The following CRPPA variants were observed in gnomAD, a reference collection of about 807,000 sequenced individuals.
The protein encoded by CRPPA is CDP-L-ribitol pyrophosphorylase A, also known as D-ribitol-5-phosphate cytidylyltransferase.
A neutral mutation model predicts 52.0 loss-of-function variants in CRPPA; 43 were observed. That is an observed-to-expected ratio of 0.83 (90% CI 0.65 to 1.07). CRPPA has a LOEUF of 1.07. Among genes scored for constraint, CRPPA ranks in the 50% least tolerant of loss-of-function variants. CRPPA has a pLI of 0.00. For synonymous variants in CRPPA, 250 were observed against 203.5 expected, an observed-to-expected ratio of 1.23 and a Z score of -1.94; for missense variants, 629 against 551.7, an observed-to-expected ratio of 1.14 and a Z score of -1.40.
intron 3 of CRPPA, among the ~76,000 whole-genome samples, chr7:16,335,250 G>C (rs1785652391): frequency 6.6e-6 from 1 of 151,872 alleles, no homozygotes; most frequent in African/African-American, 2.4e-5. Context: ...AGGAGGCTGA[G>C]GCAGGAGGAT....
chr7:16,276,514 C>G (rs1296510199), intron 6 of CRPPA: 2 of 152,102 alleles, frequency 1.3e-5, no homozygotes, highest in Non-Finnish European at 2.9e-5. Flanking sequence ...TGAAGATACT[C>G]AACAAAAAAT....
In CRPPA at chr7:16,090,988, C is replaced by A. The variant is rs763166678; in HGVS notation, c.*707G>T. On this transcript the variant is annotated 3_prime_UTR_variant, in exon 10 of 10. Transcript: ENST00000407010. ...GGATTGACCAGAATCACCTACGAAA[C>A]TTTCCAGACACTTTTAAGTTCATTC... 6.6e-6 allele frequency: 1 copy of A among 152,202 alleles called. No homozygotes were observed. The highest frequency in any genetic ancestry group is 2.4e-5 in the African/African-American group (1 of 41,450). The allele number at this position is 152,202 out of a possible 1,614,324, so 9.4% of individuals were successfully genotyped here. A position where few individuals can be genotyped will look rare whatever the true frequency, so the allele number is the denominator to read the frequency against.
At chr7:16,246,790 T>G (rs1327244715) in intron 8 of CRPPA, among the ~76,000 whole-genome samples, 8 of 152,260 alleles carry the variant, frequency 5.3e-5, no homozygotes, top group Non-Finnish European at 4.4e-5. Flanking sequence ...TGTAAGCAGA[T>G]GTGCTGTCAT....
chr7:16,328,832 A>G (rs1013357897), intron 3 of CRPPA, among the ~76,000 whole-genome samples: 1 of 152,118 alleles, frequency 6.6e-6, no homozygotes, highest in African/African-American at 2.4e-5. Flanking sequence ...TTCATAATGG[A>G]ATACTTACTA....
intron 3 of CRPPA, among the ~76,000 whole-genome samples, chr7:16,368,674 T>A (rs1786671295): frequency 6.6e-6 from 1 of 152,198 alleles, no homozygotes; most frequent in Non-Finnish European, 1.5e-5. Flanking sequence ...AATTTCATGA[T>A]CAAATTCTGC....
chr7:16,253,891 GA>G (rs1371281372), intron 8 of CRPPA, among the ~76,000 whole-genome samples: 1 of 151,864 alleles, frequency 6.6e-6, no homozygotes, highest in Non-Finnish European at 1.5e-5. Context: ...AAATTTACAA[GA>G]AAAAAACAAA....
chr7:16,297,746 C>T (rs553288434), intron 5 of CRPPA, among the ~76,000 whole-genome samples: 1 of 152,192 alleles, frequency 6.6e-6, no homozygotes, highest in South Asian at 2.1e-4. Flanking sequence ...TTAGCATAAA[C>T]ATTTATGCAT....
At chr7:16,420,392 C>A (rs948098866) in intron 1 of CRPPA, among the ~76,000 whole-genome samples, 4 of 152,186 alleles carry the variant, frequency 2.6e-5, no homozygotes, top group Admixed American at 2.0e-4. Flanking sequence ...CATACCCCTT[C>A]ATTTCACTTC....
chr7:16,394,375 C>T (rs1445744525), intron 2 of CRPPA, among the ~76,000 whole-genome samples: 1 of 152,044 alleles, frequency 6.6e-6, no homozygotes, highest in African/African-American at 2.4e-5. Flanking sequence ...ATATGCAAAG[C>T]ATGTTTTAAA....
intron 6 of CRPPA, among the ~76,000 whole-genome samples, chr7:16,259,727 A>G (rs1385311041): frequency 6.6e-6 from 1 of 152,018 alleles, no homozygotes; most frequent in Non-Finnish European, 1.5e-5. Context: ...TCTTTGCTAT[A>G]ATAATTCCAC....
At chr7:16,337,195 T>C (rs1243244595) in intron 3 of CRPPA, among the ~76,000 whole-genome samples, 1 of 152,154 alleles carries the variant, frequency 6.6e-6, no homozygotes, top group African/African-American at 2.4e-5. Flanking sequence ...ACAAGAACTA[T>C]TCTCCAGCAC....
intron 6 of CRPPA, among the ~76,000 whole-genome samples, chr7:16,273,436 A>T (rs1194030277): frequency 2.0e-5 from 3 of 151,978 alleles, no homozygotes; most frequent in Non-Finnish European, 2.9e-5. Flanking sequence ...TTGACTTCAG[A>T]GGGACAGCTT....
chr7:16,215,691 G>A (rs6977264), intron 9 of CRPPA, among the ~76,000 whole-genome samples: 28 of 152,176 alleles, frequency 1.8e-4, no homozygotes, highest in South Asian at 8.3e-4. Flanking sequence ...GGGTTGCCAC[G>A]TAAATATAAG....
chr7:16,372,647 C>G (rs115031602), intron 3 of CRPPA, among the ~76,000 whole-genome samples: 1 of 152,052 alleles, frequency 6.6e-6, no homozygotes, highest in African/African-American at 2.4e-5. Context: ...AAAAAAGGAC[C>G]TAGGTAAGAG....
chr7:16,293,031 C>A (rs1046515035), intron 5 of CRPPA, among the ~76,000 whole-genome samples: 3 of 151,920 alleles, frequency 2.0e-5, no homozygotes, highest in Non-Finnish European at 4.4e-5. Flanking sequence ...ACCCACGACA[C>A]ATTAAGGAGC....
intron 9 of CRPPA, among the ~76,000 whole-genome samples, chr7:16,164,555 G>A (rs958926564): frequency 2.6e-5 from 4 of 152,088 alleles, no homozygotes; most frequent in African/African-American, 4.8e-5. Context: ...CCTTGCTGGC[G>A]AGGAATTGTG....
intron 9 of CRPPA, among the ~76,000 whole-genome samples, chr7:16,188,685 C>G (rs921345268): frequency 6.6e-6 from 1 of 152,160 alleles, no homozygotes; most frequent in Non-Finnish European, 1.5e-5. Context: ...ATTTCAGGAA[C>G]ACAGTAGGCC....
At chr7:16,143,554 G>A (rs2128376509) in intron 9 of CRPPA, among the ~76,000 whole-genome samples, 1 of 152,268 alleles carries the variant, frequency 6.6e-6, no homozygotes, top group East Asian at 1.9e-4. Context: ...TAAAATGCTG[G>A]ATACCTAATT....
chr7:16,284,999 A>C (rs972172555), intron 5 of CRPPA, among the ~76,000 whole-genome samples: 1 of 152,180 alleles, frequency 6.6e-6, no homozygotes, highest in Non-Finnish European at 1.5e-5. Flanking sequence ...AGGCACACAA[A>C]ATATTTAAAA....
Sources: gnomAD v4.1 joint callset for allele counts (sites outside exome capture counted in the v4.1 genomes callset) on GRCh38, gnomAD v4.1.1 for gene constraint, MANE v1.5 for transcripts, NCBI Gene and HGNC (gene_info 2026-07-23, HGNC 2026-07-21) for gene names.